CYB5R4: variants seen among roughly 807,000 people sequenced by gnomAD.
CYB5R4 encodes N-terminal cytochrome b5 and cytochrome b5 oxidoreductase domain-containing protein.
In CYB5R4, 55 loss-of-function variants were observed where a neutral mutation model predicts 70.2. The ratio of observed to expected loss-of-function variants is 0.78; its 90% CI spans 0.63 to 0.98. The LOEUF (loss-of-function observed/expected upper bound fraction) is 0.98. Among genes scored for constraint, CYB5R4 ranks in the 50% least tolerant of loss-of-function variants. The pLI is 0.00. For synonymous variants in CYB5R4, 197 were observed against 199.5 expected (o/e 0.99, Z 0.11); for missense variants, 562 against 612.6 (o/e 0.92, Z 0.87).
chr6:83,911,654 T>G (rs965913814), intron 4 of CYB5R4, among the ~76,000 whole-genome samples: 1 of 152,204 alleles, frequency 6.6e-6, no homozygotes, highest in Non-Finnish European at 1.5e-5. Context: ...ACTTCTTCTA[T>G]AGAGTCCTTT....
intron 1 of CYB5R4, 95 bp downstream of exon 1, chr6:83,859,952 C>A: frequency 8.5e-7 from 1 of 1,180,676 alleles, no homozygotes; most frequent in Non-Finnish European, 1.2e-6. Context: ...CTCCTGCACC[C>A]CTCTCTAAGC....
At chr6:83,948,196 A>T (rs2099470941) in intron 14 of CYB5R4, among the ~76,000 whole-genome samples, 1 of 152,256 alleles carries the variant, frequency 6.6e-6, no homozygotes, top group Non-Finnish European at 1.5e-5. Context: ...GCCATAAAAA[A>T]GGATGAGTTC....
At chr6:83,901,138 A>G (rs961151162) in intron 3 of CYB5R4, among the ~76,000 whole-genome samples, 8 of 152,030 alleles carry the variant, frequency 5.3e-5, no homozygotes, top group Non-Finnish European at 8.8e-5. Context: ...TCCCTTCAGG[A>G]GCTCTTTTAG....
chr6:83,939,064 G>A (rs2129142921), intron 12 of CYB5R4, among the ~76,000 whole-genome samples: 1 of 152,036 alleles, frequency 6.6e-6, no homozygotes, highest in South Asian at 2.1e-4. Flanking sequence ...TTGAACTCCC[G>A]ACCTCAGGTG....
At chr6:83,918,624 A>G (rs1275151823) in intron 6 of CYB5R4, among the ~76,000 whole-genome samples, 1 of 151,940 alleles carries the variant, frequency 6.6e-6, no homozygotes, top group Admixed American at 6.6e-5. Context: ...ATTTTTATCA[A>G]TTTTTAATGA....
chr6:83,878,636 G>A (rs576757574), intron 2 of CYB5R4, among the ~76,000 whole-genome samples: 20 of 152,250 alleles, frequency 1.3e-4, no homozygotes, highest in East Asian at 5.8e-4. Context: ...GTGAGCCACC[G>A]CGCCCAGCCG....
At chr6:83,903,642 G>C (rs1359017200) in intron 3 of CYB5R4, among the ~76,000 whole-genome samples, 2 of 151,990 alleles carry the variant, frequency 1.3e-5, no homozygotes, top group African/African-American at 4.8e-5. Flanking sequence ...AAATTTTACA[G>C]TGAATCCATC....
At chr6:83,953,794 C>T (rs755826114) in intron 14 of CYB5R4, among the ~76,000 whole-genome samples, 2 of 152,040 alleles carry the variant, frequency 1.3e-5, no homozygotes, top group Admixed American at 6.6e-5. Context: ...GGGAATAAGT[C>T]GTTGGATGAC....
At chr6:83,899,591 G>T (rs1050064921) in intron 3 of CYB5R4, among the ~76,000 whole-genome samples, 1 of 152,106 alleles carries the variant, frequency 6.6e-6, no homozygotes, top group Non-Finnish European at 1.5e-5. Flanking sequence ...AATCCATCTG[G>T]TCCTGGACTT....
chr6:83,940,044 T>G lies in CYB5R4; in HGVS notation c.1109-12T>G, dbSNP rs763146623. ...TTTTTTTTTCTGATTTAGCTTATGT[T>G]TCATTGTTTAGGAGATTTTGTTTCT... On this transcript the variant is annotated splice_polypyrimidine_tract_variant and intron_variant, in intron 12 of 15. Coordinates refer to ENST00000369681, the MANE Select transcript of CYB5R4 (RefSeq NM_016230.4). 6.5e-7 allele frequency: 1 copy of G among 1,530,720 alleles called. No individual in the cohort carries two copies. The highest frequency in any genetic ancestry group is 2.3e-5 in the East Asian group (1 of 43,422). 94.8% of individuals were successfully genotyped at this position (1,530,720 alleles called of 1,614,324 possible).
intron 3 of CYB5R4, among the ~76,000 whole-genome samples, chr6:83,902,173 A>T (rs757480872): frequency 6.6e-6 from 1 of 152,066 alleles, no homozygotes. Flanking sequence ...TAAGTCTTTA[A>T]TCCATTTTGA....
chr6:83,959,767 T>C lies in CYB5R4; in HGVS notation c.1512-57T>C, dbSNP rs148473607. 3,120 of 1,448,710 alleles carry C rather than the reference T, an allele frequency of 2.2e-3. 8 individuals carry two copies. Among genetic ancestry groups the C allele is most frequent in the Admixed American group, 0.012 (592 of 51,472 alleles). 89.7% of individuals were successfully genotyped at this position (1,448,710 alleles called of 1,614,324 possible). ...TGATTATGGTGGTAAACTGCTCTTA[T>C]TTCTTCATTTTAAAGCATTTTCCCT... On this transcript the variant is annotated intron_variant, in intron 15 of 15. Transcript: ENST00000369681.
chr6:83,881,335 T>A (rs1319270321), intron 2 of CYB5R4, among the ~76,000 whole-genome samples: 1 of 152,000 alleles, frequency 6.6e-6, no homozygotes, highest in African/African-American at 2.4e-5. Flanking sequence ...TTACCATACC[T>A]GGCTAATTTT....
intron 2 of CYB5R4, among the ~76,000 whole-genome samples, chr6:83,873,593 T>C (rs886355503): frequency 6.6e-6 from 1 of 152,182 alleles, no homozygotes; most frequent in Non-Finnish European, 1.5e-5. Flanking sequence ...TTCGTATGAC[T>C]GTGTGTAGTT....
chr6:83,924,577 C>G lies in CYB5R4; in HGVS notation c.799C>G (p.Pro267Ala), dbSNP rs61382555. 4,612 of 1,613,060 alleles carry G rather than the reference C, an allele frequency of 2.9e-3. 130 individuals are homozygous for G. The African/African-American group carries it at 0.055, about 19-fold the overall frequency. ...CCTGAAGAATCATAATTCACTTATT[C>G]CAAGGAAAGATACAGGTATGCTGTG... is the stretch of plus-strand genomic sequence containing the variant. Reference protein sequence around the residue: ...HPLKNHNSLIPRKDTGLYYRK... With the variant: ...HPLKNHNSLIARKDTGLYYRK... The change falls in exon 10 of 16, where the codon CCA becomes GCA. Residue 267 changes from proline (P) to alanine (A), a missense_variant. Coordinates refer to ENST00000369681, the MANE Select transcript of CYB5R4 (RefSeq NM_016230.4).
At chr6:83,860,042 C>T (rs1398505614) in intron 1 of CYB5R4, among the ~76,000 whole-genome samples, 185 bp downstream of exon 1, 2 of 152,198 alleles carry the variant, frequency 1.3e-5, no homozygotes, top group Non-Finnish European at 2.9e-5. Flanking sequence ...CTTACCTCCT[C>T]CCTTTCCCCT....
intron 2 of CYB5R4, among the ~76,000 whole-genome samples, chr6:83,889,349 G>T (rs1470113127): frequency 6.6e-6 from 1 of 152,178 alleles, no homozygotes; most frequent in Non-Finnish European, 1.5e-5. Flanking sequence ...CTGACAGTCT[G>T]ACTCTCTTGT....
At chr6:83,958,322 A>G (rs1016467767) in intron 15 of CYB5R4, among the ~76,000 whole-genome samples, 2 of 152,164 alleles carry the variant, frequency 1.3e-5, no homozygotes, top group Non-Finnish European at 2.9e-5. Flanking sequence ...CCAAAGTATG[A>G]CTCAGAACAC....
Position 83,861,798 on chromosome 6 carries a change from T to C in CYB5R4, c.75+1941T>C, listed in dbSNP as rs975686792. 5.9e-5 allele frequency among the ~76,000 whole-genome samples: 9 copies of C among 152,262 alleles called. No homozygotes were observed. In the South Asian group the frequency reaches 1.9e-3, roughly 31 times the overall value. On this transcript the variant is annotated intron_variant, in intron 1 of 15. Transcript: ENST00000369681. ...TCTTACTTGTTTTTTAATTAATCTT[T>C]CTTAAATGTATATATAGCTAACATT...
Sources: allele counts gnomAD v4.1 joint callset (sites outside exome capture counted in the v4.1 genomes callset), GRCh38; gene constraint gnomAD v4.1.1; transcripts MANE v1.5; gene names NCBI Gene and HGNC (gene_info 2026-07-23, HGNC 2026-07-21).